Variants in SPATA13 observed in about 807,000 individuals in gnomAD.
SPATA13 encodes the protein spermatogenesis associated 13.
In SPATA13, 50 loss-of-function variants were observed where a neutral mutation model predicts 104.0. The observed-to-expected ratio is 0.48, with a 90% CI of 0.38 to 0.61. SPATA13 has a LOEUF of 0.61. SPATA13 is among the 20% of genes least tolerant of loss of function. The pLI is 0.00. For synonymous variants in SPATA13, 606 were observed against 667.5 expected, an observed-to-expected ratio of 0.91 and a Z score of 1.42; for missense variants, 1,524 against 1,690.6, an observed-to-expected ratio of 0.90 and a Z score of 1.73.
intron 2 of SPATA13, among the ~76,000 whole-genome samples, chr13:24,229,538 T>C (rs913532577): frequency 6.6e-5 from 10 of 152,272 alleles, no homozygotes; most frequent in African/African-American, 2.2e-4. Context: ...GCCCACTGTG[T>C]GGTTATCACT....
chr13:24,020,515 G>A, intron 3 of SPATA13, among the ~76,000 whole-genome samples: 1 of 152,132 alleles, frequency 6.6e-6, no homozygotes, highest in Non-Finnish European at 1.5e-5. Flanking sequence ...GCCGTGAGAG[G>A]GAGCTGTTGA....
At position 24,261,407 on chromosome 13, in the gene SPATA13, G is replaced by T. The variant is rs141056282; in HGVS notation, c.2164+9545G>T. Among the ~76,000 whole-genome samples, 182 of 152,234 alleles carry T rather than the reference G, an allele frequency of 1.2e-3. 4 individuals are homozygous for T. The East Asian group carries it at 0.033, about 28-fold the overall frequency. On this transcript the variant is annotated intron_variant, in intron 4 of 12. Transcript: ENST00000382108. ...GACCTATGGGCAGCTCGATGAAGAT[G>T]ACATCACCATATCCTTGATTGTGAA... is the stretch of plus-strand genomic sequence containing the variant.
chr13:24,122,646 A>G (rs1881072534), intron 3 of SPATA13: 1 of 1,195,028 alleles, frequency 8.4e-7, no homozygotes, highest in Non-Finnish European at 1.3e-6. Context: ...CATACTGTAT[A>G]TCACTTCAAG....
At chr13:24,155,127 C>T (rs1882221643) in intron 3 of SPATA13, among the ~76,000 whole-genome samples, 1 of 152,146 alleles carries the variant, frequency 6.6e-6, no homozygotes, top group Non-Finnish European at 1.5e-5. Flanking sequence ...GGATTACAGG[C>T]GTGAGCCACC....
At chr13:24,269,799 G>A (rs1318138803) in intron 4 of SPATA13, among the ~76,000 whole-genome samples, 1 of 132,166 alleles carries the variant, frequency 7.6e-6, no homozygotes, top group Non-Finnish European at 1.6e-5. Context: ...ATGTTGCCCA[G>A]GCTTGTCTCA....
At position 24,161,840 on chromosome 13, in the gene SPATA13, C is replaced by G. The variant is rs936378383; in HGVS notation, c.-112+908C>G. ...CATAGCCTTATATTATGCACCTCCC[C>G]CTGCCAGCATTTTCTCTGTCCCCAC... On this transcript the variant is annotated intron_variant, in intron 1 of 12. Transcript: ENST00000382108. This position sits in a 1 kb window ranked among gnomAD's most constrained non-coding sequence, Gnocchi z 4.5. Among the ~76,000 whole-genome samples the G allele has an allele frequency of 6.6e-6, 1 of 152,208 alleles. No individual in the cohort carries two copies. The highest frequency in any genetic ancestry group is 6.5e-5 in the Admixed American group (1 of 15,282).
At chr13:24,079,857 C>T (rs181487663) in intron 3 of SPATA13, among the ~76,000 whole-genome samples, 106 of 152,260 alleles carry the variant, frequency 7.0e-4, no homozygotes, top group African/African-American at 8.9e-4. Flanking sequence ...TTGACTCTCC[C>T]GTGAGGATGG....
intron 1 of SPATA13, among the ~76,000 whole-genome samples, chr13:24,176,191 C>A (rs1868422793): frequency 6.6e-6 from 1 of 152,150 alleles, no homozygotes; most frequent in Non-Finnish European, 1.5e-5. Context: ...GAAATTGAAG[C>A]CTCCATATAC....
At chr13:24,240,106 A>T (rs1273744841) in intron 2 of SPATA13, among the ~76,000 whole-genome samples, 2 of 151,934 alleles carry the variant, frequency 1.3e-5, no homozygotes, top group African/African-American at 4.8e-5. Context: ...GGAGCTCAAG[A>T]CCAGCCTGGC....
chr13:24,104,762 T>C (rs985927795), intron 3 of SPATA13, among the ~76,000 whole-genome samples: 3 of 152,266 alleles, frequency 2.0e-5, no homozygotes, highest in African/African-American at 7.2e-5. Flanking sequence ...TAGATTTTGA[T>C]ATAATAACTT....
At chr13:24,047,060 T>C (rs1255560294) in intron 3 of SPATA13, among the ~76,000 whole-genome samples, 1 of 151,958 alleles carries the variant, frequency 6.6e-6, no homozygotes, top group Non-Finnish European at 1.5e-5. Context: ...TGCTGATTGG[T>C]TGGGGATGAA....
intron 2 of SPATA13, among the ~76,000 whole-genome samples, chr13:24,013,883 GA>G: frequency 6.6e-6 from 1 of 152,236 alleles, no homozygotes. Flanking sequence ...TGTTGTTCAT[GA>G]GGTTATTGGG....
At chr13:24,238,718 G>T (rs1872692313) in intron 2 of SPATA13, among the ~76,000 whole-genome samples, 1 of 152,128 alleles carries the variant, frequency 6.6e-6, no homozygotes, top group African/African-American at 2.4e-5. Flanking sequence ...ACTCCTTAAT[G>T]TATATGTTTT....
chr13:24,233,064 A>T (rs1159016803), intron 2 of SPATA13, among the ~76,000 whole-genome samples: 1 of 152,138 alleles, frequency 6.6e-6, no homozygotes, highest in Non-Finnish European at 1.5e-5. Context: ...TCATTTTTTA[A>T]TATATGAACA....
At chr13:24,100,789 T>A (rs149345091) in intron 3 of SPATA13, among the ~76,000 whole-genome samples, 4 of 152,334 alleles carry the variant, frequency 2.6e-5, no homozygotes, top group Non-Finnish European at 5.9e-5. Context: ...CCTGTAACTT[T>A]CCCCACTGTT....
intron 4 of SPATA13, among the ~76,000 whole-genome samples, chr13:24,280,589 A>T (rs373900758): frequency 4.7e-4 from 72 of 151,848 alleles, no homozygotes; most frequent in African/African-American, 1.6e-3. Context: ...AAATTGGAAG[A>T]TTCCTGCTGC....
Position 24,302,928 on chromosome 13 carries a change from G to A in SPATA13, c.*155G>A. On this transcript the variant is annotated 3_prime_UTR_variant, in exon 13 of 13. Coordinates refer to ENST00000382108, the MANE Select transcript of SPATA13 (RefSeq NM_001166271.3). The stretch of plus-strand genomic sequence containing the variant: ...AGAGAAGGTCTTGGAATCACCTTCA[G>A]TCTTTGGAGACCCAGCTGCCTTTGT... 1.1e-6 allele frequency: 1 copy of A among 919,212 alleles called. No individual in the cohort carries two copies. The highest frequency in any genetic ancestry group is 1.6e-6 in the Non-Finnish European group (1 of 609,086). The allele number at this position is 919,212 out of a possible 1,614,324, so 56.9% of individuals were successfully genotyped here.
In SPATA13 at chr13:24,297,433, G is replaced by A. The variant is rs1455849977; in HGVS notation, c.3281G>A (p.Gly1094Asp). Residue 1094 changes from glycine (G) to aspartate (D), a missense_variant, in exon 11 of 13, where the codon GGC becomes GAC. Physicochemically the swap from Gly to Asp is moderately conservative, Grantham distance 94. Coordinates refer to ENST00000382108, the MANE Select transcript of SPATA13 (RefSeq NM_001166271.3). ...SGELTKITKQ[G>D]KSQQRTFFLF... is the part of the protein sequence containing the mutation. ...GAGCTGACCAAAATCACTAAGCAAGGCAAAAGCCAGCAGCGGACGTTCTTC... is the reference window on the plus strand; with the variant it reads ...GAGCTGACCAAAATCACTAAGCAAGACAAAAGCCAGCAGCGGACGTTCTTC... 1.2e-6 allele frequency: 2 copies of A among 1,614,000 alleles called. No individual in the cohort carries two copies. Among genetic ancestry groups the A allele is most frequent in the African/African-American group, 1.3e-5 (1 of 74,914 alleles).
At chr13:24,083,236 A>T (rs1274931191) in intron 3 of SPATA13, among the ~76,000 whole-genome samples, 1 of 152,240 alleles carries the variant, frequency 6.6e-6, no homozygotes, top group African/African-American at 2.4e-5. Context: ...AATAGAATAG[A>T]AAGGCACCTT....
Sources: allele counts gnomAD v4.1 joint callset (sites outside exome capture counted in the v4.1 genomes callset), GRCh38; gene constraint gnomAD v4.1.1; non-coding constraint Gnocchi (gnomAD v3.1); transcripts MANE v1.5; gene names NCBI Gene and HGNC (gene_info 2026-07-23, HGNC 2026-07-21).